SLC52A3: variants seen among roughly 807,000 people sequenced by gnomAD.
The protein encoded by SLC52A3 is solute carrier family 52, riboflavin transporter, member 3.
In SLC52A3, 20 loss-of-function variants were observed where a neutral mutation model predicts 29.5. The observed-to-expected ratio is 0.68, with a 90% confidence interval of 0.48 to 0.99. SLC52A3 has a LOEUF of 0.99. Ranked by LOEUF, SLC52A3 falls within the 50% of genes least tolerant of loss-of-function variation. The pLI, the probability that SLC52A3 is intolerant of heterozygous loss-of-function variation, is 0.00. For synonymous variants in SLC52A3, 301 were observed against 271.0 expected (o/e 1.11, Z -1.09); for missense variants, 548 against 612.9 (o/e 0.89, Z 1.12).
intron 1 of SLC52A3, among the ~76,000 whole-genome samples, chr20:774,810 C>T (rs902764956): frequency 2.6e-5 from 4 of 152,212 alleles, no homozygotes; most frequent in African/African-American, 7.2e-5. Flanking sequence ...GAAACCAAGG[C>T]CCAGAGAGGA....
At chr20:774,569 GAGAA>G (rs1233219316) in intron 1 of SLC52A3, among the ~76,000 whole-genome samples, 1 of 152,194 alleles carries the variant, frequency 6.6e-6, no homozygotes, top group Non-Finnish European at 1.5e-5. Context: ...CAGAAATGGG[GAGAA>G]AGGACAACAG....
rs746264278 is a variant in SLC52A3 at position 765,157 on chromosome 20, A to C, written c.567+51T>G. 1 of 1,604,538 alleles carries C rather than the reference A, an allele frequency of 6.2e-7. No individual in the cohort carries two copies. The highest frequency in any genetic ancestry group is 1.7e-5 in the Admixed American group (1 of 59,960). On this transcript the variant is annotated intron_variant, in intron 2 of 4. Transcript: ENST00000645534. The surrounding 1 kb of genome is among the most constrained non-coding windows in gnomAD (Gnocchi z 6.6). ...GAGGTGAGCAGTTTTTCCCTCCCCT[A>C]CATTTGTGATAAAGCCAAGTGCTGA...
At position 765,779 on chromosome 20, in the gene SLC52A3, GTATCTGCCC is replaced by G. The variant is rs11467076; in HGVS notation, c.-14_-6del. 425,350 of 1,608,422 alleles carry G rather than the reference GTATCTGCCC, an allele frequency of 0.26. 58,254 individuals are homozygous for G. Among genetic ancestry groups the G allele is most frequent in the African/African-American group, 0.34 (25,427 of 74,814 alleles). ...CAGGTGCATCAGGAAGGCCATGGCG[GTATCTGCCC>G]TGGGCCAGAGGCTTTCTCAGATCAG... On this transcript the variant is annotated 5_prime_UTR_variant, in exon 2 of 5. Coordinates refer to ENST00000645534, the MANE Select transcript of SLC52A3 (RefSeq NM_033409.4). The surrounding 1 kb of genome is among the most constrained non-coding windows in gnomAD (Gnocchi z 6.6).
In SLC52A3 at chr20:765,233, G is replaced by T; in HGVS notation, c.542C>A (p.Pro181His). 1.2e-6 allele frequency: 2 copies of T among 1,614,168 alleles called. No homozygotes were observed. The highest frequency in any genetic ancestry group is 1.7e-6 in the Non-Finnish European group (2 of 1,180,028). ...CTGTGCGATGTCAGTCTCCCTCGTG[G>T]GTACAGGGCTTGGTACGCTGTCTGA... ...EISDSVPSPV[P>H]TRETDIAQGV... The change falls in exon 2 of 5, where the codon CCC becomes CAC. Residue 181 changes from proline (P) to histidine (H), a missense_variant. Pro to His is a moderately conservative substitution (Grantham distance 77). Transcript: ENST00000645534. This position sits in a 1 kb window ranked among gnomAD's most constrained non-coding sequence, Gnocchi z 6.6.
At chr20:778,046 C>CT (rs1171580493), upstream of SLC52A3, among the ~76,000 whole-genome samples, 4 of 140,538 alleles carry the variant, frequency 2.8e-5, no homozygotes, top group African/African-American at 5.2e-5. Context: ...TACAATTTCA[C>CT]TTTTTTTTGC....
At chr20:770,440 G>A (rs947348904), upstream of SLC52A3, among the ~76,000 whole-genome samples, 10 of 152,312 alleles carry the variant, frequency 6.6e-5, no homozygotes, top group African/African-American at 2.4e-4. This position sits in a 1 kb window ranked among gnomAD's most constrained non-coding sequence, Gnocchi z 4.5. Context: ...TTGCAGGCGT[G>A]AGCCACCAAG....
At chr20:778,424 C>A (rs552837075), upstream of SLC52A3, among the ~76,000 whole-genome samples, 10 of 152,180 alleles carry the variant, frequency 6.6e-5, no homozygotes, top group Non-Finnish European at 1.5e-4. Flanking sequence ...AGCCCTAAGA[C>A]CCTATTCCTT....
chr20:766,624 C>T (rs1383519731), intron 1 of SLC52A3, among the ~76,000 whole-genome samples: 3 of 152,120 alleles, frequency 2.0e-5, no homozygotes, highest in Non-Finnish European at 1.5e-5. Context: ...GAACAACCCC[C>T]TTTGACTGTA....
At chr20:769,526 C>T (rs945704140), upstream of SLC52A3, among the ~76,000 whole-genome samples, 5 of 152,234 alleles carry the variant, frequency 3.3e-5, no homozygotes, top group Non-Finnish European at 7.3e-5. Context: ...AAAACTGTGC[C>T]TGCCACATAG....
chr20:771,423 GTCTCAAAAAA>G (rs1189145222), upstream of SLC52A3, among the ~76,000 whole-genome samples: 2 of 102,786 alleles, frequency 1.9e-5, no homozygotes, highest in African/African-American at 5.6e-5. Context: ...CAAGACTCTT[GTCTCAAAAAA>G]CTAAAAGAAA....
chr20:763,577 C>T lies in SLC52A3; in HGVS notation c.994G>A (p.Val332Ile), dbSNP rs890765839. 101 of 1,614,036 alleles carry T rather than the reference C, an allele frequency of 6.3e-5. No individual in the cohort carries two copies. Among genetic ancestry groups the T allele is most frequent in the Non-Finnish European group, 8.3e-5 (98 of 1,180,028 alleles). ...AGGGTGGCAGCCAGGTGGTAGGCAA[C>T]TGGCCCATAGGACAGGCAGGAGTAG... ...QTYSCLSYGP[V>I]AYHLAATLSI... Residue 332 changes from valine (V) to isoleucine (I), a missense_variant, in exon 3 of 5, where the codon GTT becomes ATT. This residue lies in a region of SLC52A3 where 375 missense variants were observed against 471.1 expected (regional missense o/e 0.80). Transcript: ENST00000645534.
At chr20:767,659 C>A (rs1986729217) in intron 1 of SLC52A3, among the ~76,000 whole-genome samples, 1 of 152,120 alleles carries the variant, frequency 6.6e-6, no homozygotes, top group South Asian at 2.1e-4. Flanking sequence ...CTGGCCCTGC[C>A]TCTGTATATC....
chr20:765,103 A>G lies in SLC52A3; in HGVS notation c.567+105T>C. The G allele has an allele frequency of 7.6e-7, 1 of 1,316,830 alleles. No homozygotes were observed. The highest frequency in any genetic ancestry group is 1.1e-6 in the Non-Finnish European group (1 of 925,730). 81.6% of individuals were successfully genotyped at this position (1,316,830 alleles called of 1,614,324 possible). A position where few individuals can be genotyped will look rare whatever the true frequency, so the allele number is the denominator to read the frequency against. On this transcript the variant is annotated intron_variant, in intron 2 of 4. Coordinates refer to ENST00000645534, the MANE Select transcript of SLC52A3 (RefSeq NM_033409.4). The surrounding 1 kb of genome is among the most constrained non-coding windows in gnomAD (Gnocchi z 6.6). ...GATCTGCCTTATGTCAGTTTAACTC[A>G]TAGGCCGACCAAAGAACCTAGAAGG...
upstream of SLC52A3, among the ~76,000 whole-genome samples, chr20:778,384 C>T (rs1987127093): frequency 6.6e-6 from 1 of 152,200 alleles, no homozygotes; most frequent in African/African-American, 2.4e-5. Flanking sequence ...CCCTCACCCT[C>T]CCATAACTGT....
chr20:771,299 C>G (rs1441167503), upstream of SLC52A3, among the ~76,000 whole-genome samples: 1 of 152,104 alleles, frequency 6.6e-6, no homozygotes, highest in Non-Finnish European at 1.5e-5. Context: ...TGGTGGTGGG[C>G]ACCTGTAATT....
At position 765,858 on chromosome 20, in the gene SLC52A3, A is replaced by C; in HGVS notation, c.-51-33T>G. The C allele has an allele frequency of 7.5e-7, 1 of 1,336,196 alleles. No homozygotes were observed. The allele number at this position is 1,336,196 out of a possible 1,614,324, so 82.8% of individuals were successfully genotyped here. ...AGAAGGACACCAGGTGAGTAATTCC[A>C]GCTTCACCACCTAGCAAGATGCTGG... On this transcript the variant is annotated intron_variant, in intron 1 of 4. Transcript: ENST00000645534. This position sits in a 1 kb window ranked among gnomAD's most constrained non-coding sequence, Gnocchi z 6.6.
At chr20:767,500 C>T (rs1487620976) in intron 1 of SLC52A3, among the ~76,000 whole-genome samples, 2 of 151,988 alleles carry the variant, frequency 1.3e-5, no homozygotes, top group African/African-American at 4.8e-5. Context: ...GGACTACAGG[C>T]GCCCACCACT....
chr20:777,851 A>G (rs1007570572), upstream of SLC52A3, among the ~76,000 whole-genome samples: 7 of 152,094 alleles, frequency 4.6e-5, no homozygotes, highest in Admixed American at 3.3e-4. Context: ...CACCTCTTTG[A>G]CATACTTTGA....
At chr20:768,610 C>T (rs1986762567), upstream of SLC52A3, 1 of 152,226 alleles carries the variant, frequency 6.6e-6, no homozygotes, top group Non-Finnish European at 1.5e-5. Flanking sequence ...TTCCTCATAC[C>T]TTCACTGAGC....
Sources: gnomAD v4.1 joint callset for allele counts (sites outside exome capture counted in the v4.1 genomes callset) on GRCh38, gnomAD v4.1.1 for gene constraint, gnomAD v4.1.1 regional missense constraint, Gnocchi (gnomAD v3.1) non-coding constraint, MANE v1.5 for transcripts, NCBI Gene and HGNC (gene_info 2026-07-23, HGNC 2026-07-21) for gene names.